The following SIGLEC9 variants were observed in gnomAD, a reference collection of about 807,000 sequenced individuals.
The protein encoded by SIGLEC9 is sialic acid-binding Ig-like lectin 9.
Under a neutral mutation model 38.3 loss-of-function variants are expected in SIGLEC9, and 26 were observed. The ratio of observed to expected loss-of-function variants is 0.68; its 90% CI spans 0.50 to 0.94. The LOEUF (loss-of-function observed/expected upper bound fraction) is 0.94. Among genes scored for constraint, SIGLEC9 ranks in the 40% least tolerant of loss-of-function variants. The pLI, the probability that SIGLEC9 is intolerant of heterozygous loss-of-function variation, is 0.00. For missense variants in SIGLEC9, 556 were observed against 585.7 expected, an observed-to-expected ratio of 0.95 and a Z score of 0.52; for synonymous variants, 236 against 248.0, an observed-to-expected ratio of 0.95 and a Z score of 0.45.
At chr19:51,135,714 C>T (rs1009916588) in intron 6 of SIGLEC9, among the ~76,000 whole-genome samples, 1 of 151,938 alleles carries the variant, frequency 6.6e-6, no homozygotes, top group East Asian at 1.9e-4. Context: ...TCCAGTGGGC[C>T]GTAGGTTTGG....
chr19:51,120,805 A>C (rs1408664271), upstream of SIGLEC9: 1 of 159,036 alleles, frequency 6.3e-6, no homozygotes, highest in Non-Finnish European at 1.4e-5. This position sits in a 1 kb window ranked among gnomAD's most constrained non-coding sequence, Gnocchi z 4.1. Flanking sequence ...CCCTGAGAAC[A>C]ATGGGTGTCA....
chr19:51,127,303 G>A lies in SIGLEC9; in HGVS notation c.1015+7G>A. The A allele has an allele frequency of 6.2e-7, 1 of 1,601,856 alleles. No homozygotes were observed. The highest frequency in any genetic ancestry group is 8.5e-7 in the Non-Finnish European group (1 of 1,172,162). On this transcript the variant is annotated splice_region_variant and intron_variant, in intron 4 of 6. Coordinates refer to ENST00000250360, the MANE Select transcript of SIGLEC9 (RefSeq NM_014441.3). Reference sequence around the variant, plus strand: ...CTGAACGTCTCCCTGCAGAGTGAGTGCACCAGTATGCTGGGGAGGGGCTGG... The same window carrying A: ...CTGAACGTCTCCCTGCAGAGTGAGTACACCAGTATGCTGGGGAGGGGCTGG...
intron 6 of SIGLEC9, 71 bp downstream of exon 6, chr19:51,128,581 A>G: frequency 1.4e-6 from 2 of 1,401,562 alleles, no homozygotes; most frequent in Non-Finnish European, 2.0e-6. Context: ...CCCAGGACTA[A>G]TCAGCTGGGC....
chr19:51,127,972 CAG>C lies in SIGLEC9; in HGVS notation c.1040_1041del (p.Gln347ArgfsTer59), dbSNP rs1199833981. On this transcript the variant is annotated frameshift_variant, in exon 5 of 7. Transcript: ENST00000250360. LOFTEE classifies it high-confidence loss of function. ...AGGCAAAGCCACATCAGGAGTGACTCAGGGGGTGGTCGGGGGAGCTGGAGCCA... is the reference window on the plus strand; with the variant it reads ...AGGCAAAGCCACATCAGGAGTGACTCGGGGTGGTCGGGGGAGCTGGAGCCA... ...LQSKATSGVT[Q>X]GVVGGAGATA... 3.5e-5 allele frequency: 56 copies of C among 1,613,606 alleles called. No homozygotes were observed. The highest frequency in any genetic ancestry group is 1.6e-4 in the Middle Eastern group (1 of 6,080).
chr19:51,119,781 C>T, the SIGLEC9 span, among the ~76,000 whole-genome samples: 3 of 149,464 alleles, frequency 2.0e-5, no homozygotes, highest in Non-Finnish European at 2.9e-5. Flanking sequence ...TCTTCCCATA[C>T]GGAGGGACTC....
intron 6 of SIGLEC9, among the ~76,000 whole-genome samples, chr19:51,129,225 C>G (rs905766341): frequency 1.3e-5 from 2 of 148,522 alleles, no homozygotes; most frequent in African/African-American, 5.2e-5. Context: ...GTGGTGCGAT[C>G]TCTGCTCACT....
At chr19:51,121,178 TG>T (rs1459334464), upstream of SIGLEC9, among the ~76,000 whole-genome samples, 8 of 149,242 alleles carry the variant, frequency 5.4e-5, no homozygotes, top group Non-Finnish European at 7.5e-5. Flanking sequence ...TGTTTTGAGA[TG>T]GAGTCTCGCT....
chr19:51,127,343 C>T, intron 4 of SIGLEC9, 47 bp downstream of exon 4: 2 of 1,535,764 alleles, frequency 1.3e-6, no homozygotes, highest in African/African-American at 1.4e-5. Flanking sequence ...GAGAACACAC[C>T]TCCTCCACCC....
upstream of SIGLEC9, among the ~76,000 whole-genome samples, chr19:51,121,299 G>C (rs938893619): frequency 6.6e-6 from 1 of 152,044 alleles, no homozygotes; most frequent in Non-Finnish European, 1.5e-5. Flanking sequence ...GGGATTACAG[G>C]CACCTGCCAC....
chr19:51,126,052 AT>A, intron 2 of SIGLEC9, 28 bp from the exon 3 acceptor site: 1 of 1,612,416 alleles, frequency 6.2e-7, no homozygotes, highest in East Asian at 2.2e-5. Context: ...CCTCACAGTG[AT>A]GCGGGTCTCC....
chr19:51,124,608 C>A (rs1599814450), upstream of SIGLEC9, among the ~76,000 whole-genome samples: 1 of 152,284 alleles, frequency 6.6e-6, no homozygotes, highest in East Asian at 1.9e-4. Flanking sequence ...CAGCCTCTGA[C>A]TCAGGGGTCT....
At position 51,125,078 on chromosome 19, in the gene SIGLEC9, T is replaced by C. The variant is rs371055110; in HGVS notation, c.104T>C (p.Leu35Pro). The change falls in exon 1 of 7, where the codon CTG (leucine) becomes CCG (proline). Residue 35 changes from leucine (L) to proline (P), a missense_variant. Transcript: ENST00000250360. ...AGTTCCGTGACGGTGCAGGAAGGCCTGTGTGTCCATGTGCCCTGCTCCTTC... is the reference window on the plus strand; with the variant it reads ...AGTTCCGTGACGGTGCAGGAAGGCCCGTGTGTCCATGTGCCCTGCTCCTTC... ...MQSSVTVQEG[L>P]CVHVPCSFSY... 1.2e-6 allele frequency: 2 copies of C among 1,613,942 alleles called. No individual in the cohort carries two copies. The highest frequency in any genetic ancestry group is 1.3e-5 in the African/African-American group (1 of 74,888).
intron 3 of SIGLEC9, among the ~76,000 whole-genome samples, chr19:51,126,703 T>C (rs189670738): frequency 1.3e-4 from 20 of 152,342 alleles, no homozygotes; most frequent in African/African-American, 4.8e-4. Flanking sequence ...CATCTCCTAA[T>C]GGAAGATCAC....
chr19:51,129,697 A>C (rs537449745), intron 6 of SIGLEC9, among the ~76,000 whole-genome samples, 194 bp from the exon 7 acceptor site: 1 of 151,974 alleles, frequency 6.6e-6, no homozygotes, highest in African/African-American at 2.4e-5. Flanking sequence ...TTAAAGGTGC[A>C]CACCACCACA....
At chr19:51,125,542 C>CA in intron 1 of SIGLEC9, 55 bp from the exon 2 acceptor site, 2 of 1,596,512 alleles carry the variant, frequency 1.3e-6, no homozygotes, top group Non-Finnish European at 1.7e-6. Context: ...GAGCTCCCCC[C>CA]AGGGCTGCAC....
rs59276392 is a variant in SIGLEC9, at chr19:51,129,320, A to C, written c.1204-571A>C. On this transcript the variant is annotated intron_variant, in intron 6 of 6. Transcript: ENST00000250360. ...ACTACAGGCGCCTGCCACCACGCCC[A>C]GCTAATTTTTTTGTATTTTTAGTAG... 9.7e-3 allele frequency among the ~76,000 whole-genome samples: 1,401 copies of C among 145,178 alleles called. 22 individuals carry two copies. Among genetic ancestry groups the C allele is most frequent in the African/African-American group, 0.032 (1,307 of 40,432 alleles).
chr19:51,124,552 A>G (rs1472333867), upstream of SIGLEC9, among the ~76,000 whole-genome samples: 2 of 152,206 alleles, frequency 1.3e-5, no homozygotes, highest in East Asian at 3.9e-4. Flanking sequence ...CTGCACCCCC[A>G]TCTCTCATGG....
At chr19:51,131,406 T>G (rs1207111125), downstream of SIGLEC9, among the ~76,000 whole-genome samples, 2 of 151,762 alleles carry the variant, frequency 1.3e-5, no homozygotes, top group Non-Finnish European at 2.9e-5. Flanking sequence ...GCTAACATGG[T>G]GAAACCCTGT....
downstream of SIGLEC9, among the ~76,000 whole-genome samples, chr19:51,130,710 A>G (rs1815031944): frequency 6.6e-6 from 1 of 152,152 alleles, no homozygotes; most frequent in African/African-American, 2.4e-5. Flanking sequence ...GGACACACTG[A>G]GCTCTCTCCG....
Sources: gnomAD v4.1 joint callset for allele counts (sites outside exome capture counted in the v4.1 genomes callset) on GRCh38, gnomAD v4.1.1 for gene constraint, Gnocchi (gnomAD v3.1) non-coding constraint, MANE v1.5 for transcripts, NCBI Gene and HGNC (gene_info 2026-07-23, HGNC 2026-07-21) for gene names.